Variants in TUSC3 observed in about 807,000 individuals in gnomAD.
TUSC3 encodes the protein dolichyl-diphosphooligosaccharide--protein glycosyltransferase subunit TUSC3.
In TUSC3, 45 loss-of-function variants were observed where a neutral mutation model predicts 44.8. That is an observed-to-expected ratio of 1.00 (90% CI 0.79 to 1.29). The LOEUF is 1.29. TUSC3 is among the 50% of genes most tolerant of loss of function. TUSC3 has a pLI of 0.00. For missense variants in TUSC3, 519 were observed against 437.9 expected, an observed-to-expected ratio of 1.19 and a Z score of -1.65; for synonymous variants, 212 against 152.9, an observed-to-expected ratio of 1.39 and a Z score of -2.85.
At chr8:15,423,986 T>G (rs1167570680) in intron 1 of TUSC3, among the ~76,000 whole-genome samples, 22,852 of 110,724 alleles carry the variant, frequency 0.21, 3,680 homozygotes, top group South Asian at 0.29. Context: ...TTTTTTTTTT[T>G]TTTTTTTTTT....
intron 2 of TUSC3, among the ~76,000 whole-genome samples, chr8:15,627,626 G>C (rs1180236870): frequency 1.4e-4 from 21 of 152,202 alleles, no homozygotes; most frequent in Admixed American, 1.4e-3. Context: ...TCCCTTTTTG[G>C]GGCCCTGTGG....
intron 6 of TUSC3, among the ~76,000 whole-genome samples, chr8:15,705,420 G>C (rs1215278230): frequency 6.6e-6 from 1 of 151,982 alleles, no homozygotes; most frequent in Non-Finnish European, 1.5e-5. Context: ...AATGAATATA[G>C]TATTCTATTA....
At chr8:15,806,864 GA>G in the TUSC3 span, 1 of 1,108,698 alleles carries the variant, frequency 9.0e-7, no homozygotes, top group Non-Finnish European at 1.4e-6. Context: ...CATAGTTAAT[GA>G]AATAATTATG....
intron 1 of TUSC3, among the ~76,000 whole-genome samples, chr8:15,616,185 C>CT (rs1051706300): frequency 1.3e-5 from 2 of 151,412 alleles, no homozygotes; most frequent in African/African-American, 4.9e-5. Context: ...GATTTTTTTG[C>CT]TTTTTTTCAA....
Position 15,650,797 on chromosome 8 carries a change from A to G in TUSC3, c.409A>G (p.Thr137Ala). 2 of 1,614,026 alleles carry G rather than the reference A, an allele frequency of 1.2e-6. No homozygotes were observed. Among genetic ancestry groups the G allele is most frequent in the Non-Finnish European group, 1.7e-6 (2 of 1,179,922 alleles). ...FFSMVDYDEG[T>A]DVFQQLNMNS... ...CAGTATGGTGGACTATGATGAGGGG[A>G]CAGACGTTTTTCAGCAGGTAAAGAG... Residue 137 changes from threonine (T) to alanine (A), a missense_variant, in exon 3 of 11, where the codon ACA becomes GCA. Thr to Ala is a moderately conservative substitution (Grantham distance 58, BLOSUM62 0). Coordinates refer to ENST00000503731, the MANE Select transcript of TUSC3 (RefSeq NM_006765.4).
intron 2 of TUSC3, among the ~76,000 whole-genome samples, chr8:15,523,003 A>G (rs1425913731): frequency 6.6e-6 from 1 of 152,164 alleles, no homozygotes; most frequent in Admixed American, 6.5e-5. Context: ...GTCACAGGAG[A>G]CTGATGCTCA....
chr8:15,554,763 G>A (rs918851163), intron 1 of TUSC3, among the ~76,000 whole-genome samples: 10 of 149,634 alleles, frequency 6.7e-5, no homozygotes, highest in African/African-American at 2.0e-4. Flanking sequence ...CACCACGCCC[G>A]GCTAATTTTT....
chr8:15,621,396 T>C (rs1395397912), intron 1 of TUSC3, among the ~76,000 whole-genome samples: 2 of 150,948 alleles, frequency 1.3e-5, no homozygotes, highest in Non-Finnish European at 3.0e-5. Context: ...GAAGTCCTTC[T>C]ATGTCACTTT....
rs151258485 is a variant in TUSC3 at position 15,458,704 on chromosome 8, T to C, written n.92-24682T>C. The stretch of plus-strand genomic sequence containing the variant: ...AGTGCATGCTCCTCCTCCCGACTTT[T>C]CAAGATAAATGAACTAATTTTTCAT... On this transcript the variant is annotated intron_variant and non_coding_transcript_variant, in intron 1 of 5. Transcript: ENST00000503191. 8.0e-4 allele frequency among the ~76,000 whole-genome samples: 122 copies of C among 152,324 alleles called. 2 individuals carry two copies. The East Asian group carries it at 0.021, about 26-fold the overall frequency.
intron 1 of TUSC3, among the ~76,000 whole-genome samples, chr8:15,595,478 A>G (rs998918121): frequency 6.6e-6 from 1 of 152,134 alleles, no homozygotes; most frequent in African/African-American, 2.4e-5. Context: ...GAACAGACAT[A>G]GGGCTCACTT....
chr8:15,593,145 G>C (rs558314567), intron 1 of TUSC3, among the ~76,000 whole-genome samples: 233 of 152,218 alleles, frequency 1.5e-3, no homozygotes, highest in African/African-American at 5.2e-3. Flanking sequence ...GAGTGCAGTG[G>C]TGTGATCTTG....
chr8:15,650,391 T>C (rs1216626158), intron 2 of TUSC3, among the ~76,000 whole-genome samples: 3 of 152,178 alleles, frequency 2.0e-5, no homozygotes, highest in Admixed American at 6.5e-5. Flanking sequence ...GGGCTAGGCT[T>C]TGTGATACAT....
chr8:15,817,422 C>A, the TUSC3 span, among the ~76,000 whole-genome samples: 3 of 151,832 alleles, frequency 2.0e-5, no homozygotes, highest in Non-Finnish European at 4.4e-5. Context: ...ACATATAAAA[C>A]AAATGTGGTT....
chr8:15,794,755 A>G, the TUSC3 span, among the ~76,000 whole-genome samples: 2 of 152,128 alleles, frequency 1.3e-5, no homozygotes, highest in African/African-American at 4.8e-5. Flanking sequence ...AATTGATAGT[A>G]AGCACATTTG....
At chr8:15,781,574 A>G in the TUSC3 span, among the ~76,000 whole-genome samples, 19 of 152,046 alleles carry the variant, frequency 1.2e-4, no homozygotes, top group African/African-American at 4.6e-4. Context: ...GTGGGATGAT[A>G]AAAGAAAAAA....
intron 1 of TUSC3, among the ~76,000 whole-genome samples, chr8:15,481,091 A>G (rs957958895): frequency 1.3e-5 from 2 of 152,066 alleles, no homozygotes; most frequent in African/African-American, 2.4e-5. Flanking sequence ...CTACTAAAAA[A>G]TACAAAAATA....
At chr8:15,682,680 T>G (rs566435841) in intron 6 of TUSC3, among the ~76,000 whole-genome samples, 1 of 152,320 alleles carries the variant, frequency 6.6e-6, no homozygotes, top group African/African-American at 2.4e-5. Flanking sequence ...TTTCTTCCTA[T>G]CGTGGTGGTG....
At chr8:15,626,777 G>A (rs910484185) in intron 2 of TUSC3, among the ~76,000 whole-genome samples, 3 of 152,226 alleles carry the variant, frequency 2.0e-5, no homozygotes, top group South Asian at 4.1e-4. Context: ...GCCCCCTGCT[G>A]CCTCAGTCCC....
intron 2 of TUSC3, among the ~76,000 whole-genome samples, chr8:15,646,261 T>C (rs1025467134): frequency 4.6e-5 from 7 of 152,112 alleles, no homozygotes; most frequent in Non-Finnish European, 1.0e-4. Context: ...GGACATAGTA[T>C]GTTCGTGAAA....
Sources: gnomAD v4.1 joint callset for allele counts (sites outside exome capture counted in the v4.1 genomes callset) on GRCh38, gnomAD v4.1.1 for gene constraint, MANE v1.5 for transcripts, NCBI Gene and HGNC (gene_info 2026-07-23, HGNC 2026-07-21) for gene names.